Variants in TENM2 observed in about 807,000 individuals in gnomAD.
TENM2 encodes the protein teneurin transmembrane protein 2.
Under a neutral mutation model 245.2 loss-of-function variants are expected in TENM2, and 52 were observed. The ratio of observed to expected loss-of-function variants is 0.21; its 90% CI spans 0.17 to 0.27. The LOEUF is 0.27. Ranked by LOEUF, TENM2 falls within the 10% of genes least tolerant of loss-of-function variation. The pLI is 1.00. For synonymous variants in TENM2, 1,363 were observed against 1,438.9 expected, an observed-to-expected ratio of 0.95 and a Z score of 1.19; for missense variants, 3,046 against 3,666.8, an observed-to-expected ratio of 0.83 and a Z score of 4.37.
intron 10 of TENM2, among the ~76,000 whole-genome samples, chr5:168,124,001 C>A (rs1404917276): frequency 6.6e-6 from 1 of 152,216 alleles, no homozygotes; most frequent in Non-Finnish European, 1.5e-5. Context: ...CGCTCCTCTC[C>A]TCACTCTGAG....
intron 2 of TENM2, among the ~76,000 whole-genome samples, chr5:167,434,899 A>C (rs1308485902): frequency 2.0e-5 from 3 of 152,244 alleles, no homozygotes; most frequent in Non-Finnish European, 4.4e-5. Flanking sequence ...TTATAGATTC[A>C]GATGTAGATT....
At chr5:167,845,984 C>T (rs1174652372) in intron 2 of TENM2, among the ~76,000 whole-genome samples, 1 of 152,150 alleles carries the variant, frequency 6.6e-6, no homozygotes, top group African/African-American at 2.4e-5. Context: ...CTTCCAGCCT[C>T]ATCCTTCACC....
At chr5:167,692,355 G>A (rs1757488154) in intron 2 of TENM2, among the ~76,000 whole-genome samples, 3 of 152,114 alleles carry the variant, frequency 2.0e-5, no homozygotes, top group African/African-American at 4.8e-5. Flanking sequence ...TGTCACCTGA[G>A]GCTTTATTGG....
chr5:167,674,493 A>C (rs1756177141), intron 2 of TENM2, among the ~76,000 whole-genome samples: 1 of 152,166 alleles, frequency 6.6e-6, no homozygotes, highest in African/African-American at 2.4e-5. Flanking sequence ...CAAAACTGAC[A>C]GTCAAAAGCA....
intron 1 of TENM2, among the ~76,000 whole-genome samples, chr5:167,348,587 C>G (rs1275412506): frequency 6.6e-6 from 1 of 152,124 alleles, no homozygotes; most frequent in East Asian, 1.9e-4. Context: ...CTGTTTCAGT[C>G]TACAGGATTA....
chr5:167,020,541 C>T, the TENM2 span, among the ~76,000 whole-genome samples: 1 of 152,162 alleles, frequency 6.6e-6, no homozygotes, highest in African/African-American at 2.4e-5. Flanking sequence ...CTAGTAAGCC[C>T]ATTCCATCTG....
intron 2 of TENM2, among the ~76,000 whole-genome samples, chr5:167,628,819 T>C (rs1348664380): frequency 1.3e-5 from 2 of 152,228 alleles, no homozygotes; most frequent in Non-Finnish European, 2.9e-5. Context: ...AGCACAGTGT[T>C]ACTATTGCTA....
chr5:167,806,679 C>T (rs1196350395), intron 2 of TENM2, among the ~76,000 whole-genome samples: 2 of 152,010 alleles, frequency 1.3e-5, no homozygotes, highest in Non-Finnish European at 2.9e-5. Flanking sequence ...GTTTTGGGGT[C>T]CCTAAGATCA....
the TENM2 span, among the ~76,000 whole-genome samples, chr5:167,180,068 C>T: frequency 2.0e-5 from 3 of 149,368 alleles, no homozygotes; most frequent in South Asian, 2.1e-4. Context: ...TCCCACCTTC[C>T]GTTCCTCTCC....
intron 2 of TENM2, among the ~76,000 whole-genome samples, chr5:167,459,895 CTTGTATAT>C (rs1766173971): frequency 6.8e-6 from 1 of 146,164 alleles, no homozygotes; most frequent in Admixed American, 7.1e-5. Flanking sequence ...TCTGCATTTC[CTTGTATAT>C]AAAGATAAAC....
chr5:167,560,699 A>G (rs141303774), intron 2 of TENM2, among the ~76,000 whole-genome samples: 49 of 152,336 alleles, frequency 3.2e-4, no homozygotes, highest in African/African-American at 1.1e-3. Flanking sequence ...GCATGGTGCT[A>G]ATTGGTTCAC....
intron 2 of TENM2, among the ~76,000 whole-genome samples, chr5:167,592,864 C>G (rs578233596): frequency 1.5e-4 from 23 of 152,048 alleles, no homozygotes; most frequent in African/African-American, 5.5e-4. Context: ...CACATCATAT[C>G]CAATGTGATT....
intron 2 of TENM2, among the ~76,000 whole-genome samples, chr5:167,575,578 G>GC (rs1774594005): frequency 6.6e-6 from 1 of 152,138 alleles, no homozygotes; most frequent in South Asian, 2.1e-4. Flanking sequence ...ATCAGAAACT[G>GC]CTGAGTAGTG....
chr5:168,110,372 T>A (rs2152313088), intron 9 of TENM2, among the ~76,000 whole-genome samples: 1 of 152,286 alleles, frequency 6.6e-6, no homozygotes, highest in South Asian at 2.1e-4. Context: ...GCACTTTACA[T>A]CATTATCTCA....
chr5:167,331,530 T>C (rs1162265723), intron 1 of TENM2, among the ~76,000 whole-genome samples: 2 of 152,178 alleles, frequency 1.3e-5, no homozygotes, highest in Non-Finnish European at 2.9e-5. Context: ...TTGAGAAAGA[T>C]GAATTTACAA....
At chr5:167,435,602 A>C (rs1764500517) in intron 2 of TENM2, among the ~76,000 whole-genome samples, 1 of 152,332 alleles carries the variant, frequency 6.6e-6, no homozygotes, top group African/African-American at 2.4e-5. Context: ...TGGTACCAGT[A>C]GAGTGGGGAG....
chr5:167,128,772 A>C, the TENM2 span, among the ~76,000 whole-genome samples: 1 of 152,136 alleles, frequency 6.6e-6, no homozygotes, highest in Admixed American at 6.5e-5. Context: ...ATGCCCATCT[A>C]ATGACCTGGA....
intron 5 of TENM2, among the ~76,000 whole-genome samples, chr5:168,031,741 G>T (rs986524885): frequency 6.8e-6 from 1 of 147,706 alleles, no homozygotes; most frequent in Non-Finnish European, 1.5e-5. Context: ...AGGAAGGAGT[G>T]AGGGAGGAAG....
chr5:167,462,956 A>G (rs537989305), intron 2 of TENM2, among the ~76,000 whole-genome samples: 3 of 152,178 alleles, frequency 2.0e-5, no homozygotes, highest in Admixed American at 1.3e-4. Flanking sequence ...GACAAATGCA[A>G]TGAACTCTAT....
Sources: allele counts gnomAD v4.1 joint callset (sites outside exome capture counted in the v4.1 genomes callset), GRCh38; gene constraint gnomAD v4.1.1; transcripts MANE v1.5; gene names NCBI Gene and HGNC (gene_info 2026-07-23, HGNC 2026-07-21).